The following PGAP4 variants were observed in gnomAD, a reference collection of about 807,000 sequenced individuals.
PGAP4 encodes post-GPI attachment to proteins GalNAc transferase 4.
PGAP4 carries 12 observed loss-of-function variants against 28.2 expected under a neutral mutation model. The observed-to-expected ratio is 0.42, with a 90% CI of 0.27 to 0.69. PGAP4 has a LOEUF of 0.69. PGAP4 is among the 30% of genes least tolerant of loss of function. PGAP4 has a pLI of 0.22. For missense variants in PGAP4, 425 were observed against 513.5 expected (o/e 0.83, Z 1.67); for synonymous variants, 205 against 211.8 (o/e 0.97, Z 0.28).
At chr9:101,484,771 G>C (rs957621720) in intron 1 of PGAP4, among the ~76,000 whole-genome samples, 2 of 152,182 alleles carry the variant, frequency 1.3e-5, no homozygotes, top group African/African-American at 4.8e-5. Context: ...CCTAGTCTTT[G>C]AGAATGTGTT....
At chr9:101,529,215 G>A (rs1478059710) in intron 2 of PGAP4, among the ~76,000 whole-genome samples, 3 of 150,106 alleles carry the variant, frequency 2.0e-5, no homozygotes, top group Non-Finnish European at 4.4e-5. Context: ...GAGTGCAATG[G>A]TGTGATCTCG....
At chr9:101,526,197 G>A (rs544846675) in intron 2 of PGAP4, among the ~76,000 whole-genome samples, 2 of 152,212 alleles carry the variant, frequency 1.3e-5, no homozygotes, top group East Asian at 1.9e-4. Context: ...CAAACACACT[G>A]ATCTAATTAG....
intron 2 of PGAP4, among the ~76,000 whole-genome samples, chr9:101,528,048 T>C (rs1480607728): frequency 6.6e-6 from 1 of 152,210 alleles, no homozygotes; most frequent in East Asian, 1.9e-4. Flanking sequence ...AGATTTGTAC[T>C]AAATAAGCAC....
intron 2 of PGAP4, among the ~76,000 whole-genome samples, chr9:101,504,142 T>C (rs75604040): frequency 0.035 from 5,229 of 149,886 alleles, 153 homozygotes; most frequent in Admixed American, 0.067. Flanking sequence ...TCCCTTACTA[T>C]GAAAGTAACC....
chr9:101,499,858 C>T (rs774360029), intron 2 of PGAP4, among the ~76,000 whole-genome samples: 21 of 152,146 alleles, frequency 1.4e-4, no homozygotes, highest in African/African-American at 3.9e-4. Flanking sequence ...AACTTGCAGA[C>T]GCAATGTTCC....
chr9:101,480,721 C>T (rs1039283235), intron 1 of PGAP4: 3 of 152,326 alleles, frequency 2.0e-5, no homozygotes, highest in South Asian at 2.1e-4. Context: ...TAGATGACTG[C>T]TTTGCTGAAA....
chr9:101,480,434 C>T (rs79612451), intron 1 of PGAP4, among the ~76,000 whole-genome samples: 2,167 of 152,086 alleles, frequency 0.014, 45 homozygotes, highest in African/African-American at 0.049. Flanking sequence ...AATAGTGCAC[C>T]ACAAGCTGGC....
At chr9:101,527,837 G>C (rs543345096) in intron 2 of PGAP4, among the ~76,000 whole-genome samples, 2 of 152,080 alleles carry the variant, frequency 1.3e-5, no homozygotes, top group African/African-American at 4.8e-5. Flanking sequence ...CTAATATTAA[G>C]GCCCTCCTTG....
rs1392761374 is a variant in PGAP4, at chr9:101,486,683, C to T, written c.-78+266G>A. 6.6e-6 allele frequency among the ~76,000 whole-genome samples: 1 copy of T among 152,088 alleles called. No individual in the cohort carries two copies. Among genetic ancestry groups the T allele is most frequent in the African/African-American group, 2.4e-5 (1 of 41,432 alleles). ...TCAACCATCCCCGCACTGATGCGGG[C>T]CCCTGCTGCCCTGGGGACCCCTGCG... On this transcript the variant is annotated intron_variant, in intron 1 of 1. Transcript: ENST00000374848. The surrounding 1 kb of genome is among the most constrained non-coding windows in gnomAD (Gnocchi z 4.7).
In PGAP4 at chr9:101,475,315, G is replaced by C. The variant is rs887891761; in HGVS notation, c.*566C>G. 3 of 156,836 alleles carry C rather than the reference G, an allele frequency of 1.9e-5. No homozygotes were observed. The highest frequency in any genetic ancestry group is 4.2e-5 in the Non-Finnish European group (3 of 70,662). 9.7% of individuals were successfully genotyped at this position (156,836 alleles called of 1,614,324 possible). A position where few individuals can be genotyped will look rare whatever the true frequency, so the allele number is the denominator to read the frequency against. ...AAAATCCCAGGTAACAGAAAAGCCA[G>C]ATCACCTGCCTCCAAGATGCCGGGC... On this transcript the variant is annotated 3_prime_UTR_variant, in exon 2 of 2. Transcript: ENST00000374848.
At chr9:101,483,891 G>A (rs1198233338) in intron 1 of PGAP4, among the ~76,000 whole-genome samples, 1 of 152,120 alleles carries the variant, frequency 6.6e-6, no homozygotes, top group Admixed American at 6.5e-5. Context: ...ATGCTTAGGT[G>A]GAAAGACTTG....
chr9:101,503,623 G>A (rs1412875183), intron 2 of PGAP4, among the ~76,000 whole-genome samples: 4 of 151,932 alleles, frequency 2.6e-5, no homozygotes, highest in African/African-American at 9.7e-5. Flanking sequence ...AAGCCATCAA[G>A]GTCTTTCATA....
At chr9:101,512,584 T>A (rs1826906666) in intron 2 of PGAP4, among the ~76,000 whole-genome samples, 1 of 152,144 alleles carries the variant, frequency 6.6e-6, no homozygotes, top group South Asian at 2.1e-4. Context: ...TGGTTGAAAT[T>A]TTGTTTTTTA....
chr9:101,533,643 C>A (rs1470738975), upstream of PGAP4: 1 of 152,286 alleles, frequency 6.6e-6, no homozygotes, highest in Admixed American at 6.5e-5. Flanking sequence ...CTCCGTCAGG[C>A]ATCAGCGAGG....
upstream of PGAP4, among the ~76,000 whole-genome samples, chr9:101,487,439 A>C (rs1208424091): frequency 6.6e-6 from 1 of 152,156 alleles, no homozygotes; most frequent in African/African-American, 2.4e-5. Flanking sequence ...TCTTCCCCAA[A>C]CCCTCAATTT....
chr9:101,526,228 T>C (rs906649209), intron 2 of PGAP4, among the ~76,000 whole-genome samples: 3 of 152,200 alleles, frequency 2.0e-5, no homozygotes, highest in Non-Finnish European at 4.4e-5. Context: ...CACTCTGTTG[T>C]AAGTGGCTAC....
intron 1 of PGAP4, among the ~76,000 whole-genome samples, chr9:101,532,154 C>A (rs907140994): frequency 2.0e-5 from 3 of 152,024 alleles, no homozygotes; most frequent in Non-Finnish European, 4.4e-5. Flanking sequence ...CCTGTGATCC[C>A]ACCCACTTGG....
chr9:101,514,494 C>CA (rs1564101266), intron 2 of PGAP4, among the ~76,000 whole-genome samples: 1 of 150,684 alleles, frequency 6.6e-6, no homozygotes, highest in Non-Finnish European at 1.5e-5. Context: ...CTCTGTCTCT[C>CA]ATTTTGTATG....
At chr9:101,526,416 C>A (rs927138604) in intron 2 of PGAP4, among the ~76,000 whole-genome samples, 1 of 152,024 alleles carries the variant, frequency 6.6e-6, no homozygotes, top group Admixed American at 6.6e-5. Flanking sequence ...TCTCTATTAC[C>A]CTGGCATCCA....
Sources: gnomAD v4.1 joint callset for allele counts (sites outside exome capture counted in the v4.1 genomes callset) on GRCh38, gnomAD v4.1.1 for gene constraint, Gnocchi (gnomAD v3.1) non-coding constraint, MANE v1.5 for transcripts, NCBI Gene and HGNC (gene_info 2026-07-23, HGNC 2026-07-21) for gene names.